KAZN: variants seen among roughly 807,000 people sequenced by gnomAD.
KAZN encodes kazrin, periplakin interacting protein, also known as kazrin.
In KAZN, 40 loss-of-function variants were observed where a neutral mutation model predicts 87.4. The ratio of observed to expected loss-of-function variants is 0.46; its 90% CI spans 0.36 to 0.60. The LOEUF (loss-of-function observed/expected upper bound fraction) is 0.60, where lower values mean the gene tolerates loss of function less well. Ranked by LOEUF, KAZN falls within the 20% of genes least tolerant of loss-of-function variation. The pLI is 0.00. For missense variants in KAZN, 898 were observed against 1,073.9 expected, an observed-to-expected ratio of 0.84 and a Z score of 2.29; for synonymous variants, 466 against 458.3, an observed-to-expected ratio of 1.02 and a Z score of -0.22.
chr1:14,370,246 A>T (rs1175638102), intron 2 of KAZN, among the ~76,000 whole-genome samples: 1 of 152,140 alleles, frequency 6.6e-6, no homozygotes, highest in Non-Finnish European at 1.5e-5. Context: ...GAAGGAGAGG[A>T]AGAAGTGGGG....
chr1:14,691,375 G>C (rs1641297459), intron 1 of KAZN, among the ~76,000 whole-genome samples: 1 of 152,120 alleles, frequency 6.6e-6, no homozygotes, highest in African/African-American at 2.4e-5. Flanking sequence ...ATTTATACAT[G>C]TATATATACA....
At chr1:14,974,190 G>C (rs1160746169) in intron 2 of KAZN, among the ~76,000 whole-genome samples, 1 of 151,758 alleles carries the variant, frequency 6.6e-6, no homozygotes, top group Admixed American at 6.6e-5. Context: ...AGTGCAAGCT[G>C]CCAGGCTTCT....
intron 1 of KAZN, among the ~76,000 whole-genome samples, chr1:14,766,823 G>C (rs2100573416): frequency 1.3e-5 from 2 of 151,770 alleles, no homozygotes; most frequent in South Asian, 4.2e-4. Context: ...GAATCACTGG[G>C]AGGACTCTAT....
chr1:14,405,372 A>G (rs1663752932), intron 2 of KAZN, among the ~76,000 whole-genome samples: 3 of 152,214 alleles, frequency 2.0e-5, no homozygotes, highest in Non-Finnish European at 4.4e-5. Flanking sequence ...ATAGATTTTC[A>G]GGAAAGCCTG....
intron 2 of KAZN, among the ~76,000 whole-genome samples, chr1:14,395,674 C>T: frequency 6.6e-6 from 1 of 152,194 alleles, no homozygotes; most frequent in East Asian, 1.9e-4. Flanking sequence ...AGCTGTAAGA[C>T]TAGGGTATCC....
chr1:14,031,571 G>T (rs1479911991), intron 1 of KAZN, among the ~76,000 whole-genome samples: 1 of 152,190 alleles, frequency 6.6e-6, no homozygotes, highest in Non-Finnish European at 1.5e-5. Flanking sequence ...TTCCTCCTAT[G>T]AATGAGAGGC....
rs80151337 is a variant in KAZN at position 14,017,768 on chromosome 1, G to T, written c.91+124012G>T. Among the ~76,000 whole-genome samples the T allele has an allele frequency of 9.7e-3, 1,484 of 152,300 alleles. 26 individuals are homozygous for T. Among genetic ancestry groups the T allele is most frequent in the African/African-American group, 0.034 (1,412 of 41,544 alleles). ...TTTCCAGCATGAGAAAAGACCGTGC[G>T]TTGGAATTCTGTTTCCGCTTGTGGA... is the stretch of plus-strand genomic sequence containing the variant. On this transcript the variant is annotated intron_variant, in intron 1 of 16. Coordinates refer to the KAZN transcript ENST00000636203.
chr1:14,036,749 C>A (rs535508500), intron 1 of KAZN, among the ~76,000 whole-genome samples: 1 of 152,116 alleles, frequency 6.6e-6, no homozygotes, highest in East Asian at 1.9e-4. Flanking sequence ...TACTGGTAAT[C>A]TTTGGAGTCT....
At chr1:14,965,168 A>G (rs1664314788) in intron 2 of KAZN, among the ~76,000 whole-genome samples, 2 of 151,824 alleles carry the variant, frequency 1.3e-5, no homozygotes, top group Admixed American at 6.6e-5. Flanking sequence ...ACAGGCACAC[A>G]CCACCATGCC....
upstream of KAZN, among the ~76,000 whole-genome samples, chr1:14,595,523 C>CA (rs199635988): frequency 1.3e-4 from 20 of 149,436 alleles, no homozygotes; most frequent in African/African-American, 4.6e-4. Flanking sequence ...ACTAAAAATA[C>CA]AAAAAAAAAT....
chr1:14,177,164 A>G (rs536773972), intron 1 of KAZN, among the ~76,000 whole-genome samples: 1 of 152,288 alleles, frequency 6.6e-6, no homozygotes, highest in South Asian at 2.1e-4. Context: ...TCTCAAAAAA[A>G]AAGACAATAT....
At chr1:14,346,125 G>C (rs138912732) in intron 2 of KAZN, among the ~76,000 whole-genome samples, 1 of 152,162 alleles carries the variant, frequency 6.6e-6, no homozygotes, top group African/African-American at 2.4e-5. Flanking sequence ...GGCATTCATC[G>C]TCCAGGCAGA....
At chr1:13,985,067 A>G (rs890539777) in intron 1 of KAZN, among the ~76,000 whole-genome samples, 3 of 152,172 alleles carry the variant, frequency 2.0e-5, no homozygotes, top group East Asian at 3.8e-4. Flanking sequence ...ATTGGCCAGG[A>G]TTCTCCAGAA....
At chr1:14,395,455 A>C (rs554994791) in intron 2 of KAZN, among the ~76,000 whole-genome samples, 148 of 152,302 alleles carry the variant, frequency 9.7e-4, no homozygotes, top group African/African-American at 3.4e-3. Flanking sequence ...TACCACCGCC[A>C]GGGCAGAAGG....
At chr1:14,564,443 A>C (rs908648761) in intron 2 of KAZN, among the ~76,000 whole-genome samples, 2 of 152,060 alleles carry the variant, frequency 1.3e-5, no homozygotes, top group Admixed American at 6.5e-5. Context: ...CTGCATCTTC[A>C]TCTTGAATAT....
chr1:14,976,548 C>T (rs1034622575), intron 2 of KAZN, among the ~76,000 whole-genome samples: 12 of 152,332 alleles, frequency 7.9e-5, no homozygotes, highest in Non-Finnish European at 1.6e-4. Context: ...GTGGTCTTAG[C>T]GTGAACCCAT....
intron 2 of KAZN, among the ~76,000 whole-genome samples, chr1:14,558,865 G>A (rs1430602422): frequency 6.6e-6 from 1 of 152,140 alleles, no homozygotes; most frequent in Non-Finnish European, 1.5e-5. Flanking sequence ...AGATAAAAGT[G>A]GGGCTTATGA....
intron 2 of KAZN, among the ~76,000 whole-genome samples, chr1:14,319,010 TTTTA>T (rs199695925): frequency 0.31 from 42,150 of 135,742 alleles, 6,476 homozygotes; most frequent in South Asian, 0.39. Context: ...GACCTTTTAT[TTTTA>T]TTTATTTATT....
chr1:14,903,844 A>C (rs1656199486), intron 1 of KAZN, among the ~76,000 whole-genome samples: 1 of 152,240 alleles, frequency 6.6e-6, no homozygotes, highest in African/African-American at 2.4e-5. Context: ...AAGTGCTTTT[A>C]CATGTATTTG....
Sources: gnomAD v4.1 joint callset for allele counts (sites outside exome capture counted in the v4.1 genomes callset) on GRCh38, gnomAD v4.1.1 for gene constraint, MANE v1.5 for transcripts, NCBI Gene and HGNC (gene_info 2026-07-23, HGNC 2026-07-21) for gene names.